The following NRXN3 variants were observed in gnomAD, a reference collection of about 807,000 sequenced individuals.
NRXN3 encodes the protein neurexin 3.
A neutral mutation model predicts 137.6 loss-of-function variants in NRXN3; 32 were observed. The ratio of observed to expected loss-of-function variants is 0.23; its 90% CI spans 0.18 to 0.31. The LOEUF is 0.31. NRXN3 is among the 10% of genes least tolerant of loss of function. NRXN3 has a pLI of 1.00. For synonymous variants in NRXN3, 798 were observed against 784.5 expected (o/e 1.02, Z -0.29); for missense variants, 1,574 against 2,062.5 (o/e 0.76, Z 4.59).
chr14:79,708,441 G>A (rs987608011), intron 19 of NRXN3, among the ~76,000 whole-genome samples: 109 of 149,996 alleles, frequency 7.3e-4, no homozygotes, highest in African/African-American at 2.6e-3. Flanking sequence ...AATGTCTCTT[G>A]AATCATCCAA....
intron 8 of NRXN3, among the ~76,000 whole-genome samples, chr14:78,780,324 T>A (rs988577111): frequency 2.0e-5 from 3 of 152,172 alleles, no homozygotes; most frequent in African/African-American, 7.2e-5. Flanking sequence ...TATAAAAATT[T>A]AAATGTAAAA....
chr14:79,488,496 A>G (rs1348264689), intron 16 of NRXN3, among the ~76,000 whole-genome samples: 1 of 152,192 alleles, frequency 6.6e-6, no homozygotes, highest in Non-Finnish European at 1.5e-5. Context: ...AAAGGCAGAA[A>G]TTGACAACGC....
At chr14:78,824,326 ATT>A (rs1407383883) in intron 10 of NRXN3, among the ~76,000 whole-genome samples, 1 of 151,896 alleles carries the variant, frequency 6.6e-6, no homozygotes, top group African/African-American at 2.4e-5. Flanking sequence ...TTGAGATTTT[ATT>A]TTTAGTTATC....
In NRXN3 at chr14:79,391,488, TA is replaced by T. The variant is rs536130623; in HGVS notation, c.3263-75726del. Among the ~76,000 whole-genome samples the T allele has an allele frequency of 7.2e-3, 1,091 of 152,256 alleles. 4 individuals are homozygous for T. The highest frequency in any genetic ancestry group is 0.012 in the Non-Finnish European group (845 of 68,004). ...TCATGGCATAGATGTGAGGCTCAAA[TA>T]AAAAAATATTTTGGAAACTACCCTG... is the stretch of plus-strand genomic sequence containing the variant. On this transcript the variant is annotated intron_variant, in intron 15 of 20. Transcript: ENST00000335750.
intron 2 of NRXN3, among the ~76,000 whole-genome samples, chr14:78,255,684 C>A (rs2069453015): frequency 6.6e-6 from 1 of 152,186 alleles, no homozygotes; most frequent in Non-Finnish European, 1.5e-5. Flanking sequence ...ACTCTGTTTC[C>A]CTTAGTTAAT....
chr14:79,542,225 T>C lies in NRXN3; in HGVS notation c.3444+74823T>C, dbSNP rs76991594. 3.7e-3 allele frequency among the ~76,000 whole-genome samples: 568 copies of C among 152,326 alleles called. 17 individuals carry two copies. In the South Asian group the frequency reaches 0.071, roughly 19 times the overall value. On this transcript the variant is annotated intron_variant, in intron 16 of 20. Transcript: ENST00000335750. ...TGTGCAATAGAAGAATAACAAGATCTAGCCATGAGTGCCAGGTTACGTTCC... is the reference window on the plus strand; with the variant it reads ...TGTGCAATAGAAGAATAACAAGATCCAGCCATGAGTGCCAGGTTACGTTCC...
chr14:78,221,494 T>TAAA (rs1370689608), intron 1 of NRXN3, among the ~76,000 whole-genome samples: 2 of 152,182 alleles, frequency 1.3e-5, no homozygotes, highest in African/African-American at 4.8e-5. Context: ...CATAGCCAGT[T>TAAA]AAATATCTCA....
At chr14:79,127,803 G>A (rs1020054891) in intron 15 of NRXN3, among the ~76,000 whole-genome samples, 4 of 152,060 alleles carry the variant, frequency 2.6e-5, no homozygotes, top group Non-Finnish European at 5.9e-5. Context: ...TCTTCCTACC[G>A]ATGAGCATGG....
At chr14:78,713,021 C>G (rs368142281) in intron 7 of NRXN3, among the ~76,000 whole-genome samples, 12 of 152,168 alleles carry the variant, frequency 7.9e-5, no homozygotes, top group African/African-American at 1.9e-4. Flanking sequence ...ACCAATAAAG[C>G]ACATCAAGAA....
intron 4 of NRXN3, among the ~76,000 whole-genome samples, chr14:78,372,730 C>G (rs2087092888): frequency 6.6e-6 from 1 of 152,160 alleles, no homozygotes; most frequent in South Asian, 2.1e-4. Flanking sequence ...TTGAGGTCAT[C>G]TAAATATTAA....
intron 17 of NRXN3, among the ~76,000 whole-genome samples, chr14:79,666,419 A>AAATT (rs1487370242): frequency 3.3e-5 from 5 of 152,128 alleles, no homozygotes; most frequent in African/African-American, 9.7e-5. Context: ...CTAGCATTTT[A>AAATT]AATTAGGACA....
chr14:79,380,646 C>T lies in NRXN3; in HGVS notation c.3263-86575C>T, dbSNP rs558297392. On this transcript the variant is annotated intron_variant, in intron 15 of 20. Transcript: ENST00000335750. Reference sequence around the variant, plus strand: ...AAGTCTTTGGTATTGTGAATAGTGCCGCAATAAACATACGTGTGCATGTGT... The same window carrying T: ...AAGTCTTTGGTATTGTGAATAGTGCTGCAATAAACATACGTGTGCATGTGT... Among the ~76,000 whole-genome samples, 1,020 of 152,066 alleles carry T rather than the reference C, an allele frequency of 6.7e-3. 9 individuals are homozygous for T. Among genetic ancestry groups the T allele is most frequent in the Non-Finnish European group, 7.3e-3 (498 of 68,008 alleles).
chr14:79,591,998 A>G (rs77036884), intron 16 of NRXN3, among the ~76,000 whole-genome samples: 8,620 of 152,230 alleles, frequency 0.057, 249 homozygotes, highest in East Asian at 0.081. Flanking sequence ...AATGCATACC[A>G]TTGTGGACTC....
chr14:79,293,235 G>T (rs1227479678), intron 15 of NRXN3, among the ~76,000 whole-genome samples: 1 of 152,020 alleles, frequency 6.6e-6, no homozygotes, highest in Non-Finnish European at 1.5e-5. Context: ...ACTTGATATT[G>T]GTCCCTGAGA....
At chr14:79,611,478 T>A (rs2098101154) in intron 16 of NRXN3, 3 of 152,348 alleles carry the variant, frequency 2.0e-5, no homozygotes, top group Non-Finnish European at 4.4e-5. Flanking sequence ...GGGGTGCCTG[T>A]AGTCCCAGCT....
rs563907565 is a variant in NRXN3 at position 79,179,282 on chromosome 14, A to G, written c.3262+191141A>G. Reference sequence around the variant, plus strand: ...TTCTCCCTGGTCTTTTCTGGAACTAACAATAGAATACTTGACCAAGAACCA... The same window carrying G: ...TTCTCCCTGGTCTTTTCTGGAACTAGCAATAGAATACTTGACCAAGAACCA... On this transcript the variant is annotated intron_variant, in intron 15 of 20. Coordinates refer to ENST00000335750, the MANE Select transcript of NRXN3 (RefSeq NM_001330195.2). Among the ~76,000 whole-genome samples the G allele has an allele frequency of 3.3e-5, 5 of 152,332 alleles. No individual in the cohort carries two copies. The South Asian group carries it at 6.2e-4, about 19-fold the overall frequency.
chr14:78,567,285 T>A (rs977818157), intron 4 of NRXN3, among the ~76,000 whole-genome samples: 2 of 151,894 alleles, frequency 1.3e-5, no homozygotes, highest in Non-Finnish European at 2.9e-5. Context: ...TGGGCAAGAG[T>A]ACATAGAAAG....
At chr14:79,623,300 T>C (rs1415977389) in intron 16 of NRXN3, among the ~76,000 whole-genome samples, 1 of 152,230 alleles carries the variant, frequency 6.6e-6, no homozygotes, top group Non-Finnish European at 1.5e-5. Context: ...ACTCTATGTT[T>C]TCTAGGAACA....
chr14:79,753,391 TA>T lies in NRXN3; in HGVS notation c.4015-51715del, dbSNP rs1373911898. Among the ~76,000 whole-genome samples, 11 of 151,910 alleles carry T rather than the reference TA, an allele frequency of 7.2e-5. No individual in the cohort carries two copies. The East Asian group carries it at 1.7e-3, about 24-fold the overall frequency. Reference sequence around the variant, plus strand: ...TATACCATGGAATACTATGCAGCCATAAAAAATGATGAGTTCATGTCCTTTG... The same window carrying T: ...TATACCATGGAATACTATGCAGCCATAAAAATGATGAGTTCATGTCCTTTG... On this transcript the variant is annotated intron_variant, in intron 19 of 20. Coordinates refer to ENST00000335750, the MANE Select transcript of NRXN3 (RefSeq NM_001330195.2).
Sources: gnomAD v4.1 joint callset for allele counts (sites outside exome capture counted in the v4.1 genomes callset) on GRCh38, gnomAD v4.1.1 for gene constraint, MANE v1.5 for transcripts, NCBI Gene and HGNC (gene_info 2026-07-23, HGNC 2026-07-21) for gene names.